Variants in PHF7 observed in about 807,000 individuals in gnomAD.
PHF7 encodes E3 ubiquitin-protein ligase PHF7.
Under a neutral mutation model 47.5 loss-of-function variants are expected in PHF7, and 24 were observed. The ratio of observed to expected loss-of-function variants is 0.51; its 90% confidence interval spans 0.37 to 0.71. The LOEUF is 0.71. Among genes scored for constraint, PHF7 ranks in the 30% least tolerant of loss-of-function variants. The pLI, the probability that PHF7 is intolerant of heterozygous loss-of-function variation, is 0.00. For missense variants in PHF7, 361 were observed against 456.8 expected (o/e 0.79, Z 1.91); for synonymous variants, 156 against 153.8 (o/e 1.01, Z -0.11).
Position 52,419,828 on chromosome 3 carries a change from C to T in PHF7, c.187-5C>T, listed in dbSNP as rs201445072. The stretch of plus-strand genomic sequence containing the variant: ...GTTAACAGCCTGGTTCTACTGCCCC[C>T]GCAGATCTTATCTAGTAAGCTGCCT... On this transcript the variant is annotated splice_region_variant and splice_polypyrimidine_tract_variant and intron_variant, in intron 4 of 10. Transcript: ENST00000327906. 3.7e-5 allele frequency: 57 copies of T among 1,543,162 alleles called. No homozygotes were observed. The highest frequency in any genetic ancestry group is 1.5e-4 in the South Asian group (13 of 87,392).
rs1030717253 is a variant in PHF7, at chr3:52,412,811, C to T, written c.-69C>T. On this transcript the variant is annotated splice_region_variant and 5_prime_UTR_variant, in exon 2 of 11. Transcript: ENST00000327906. ...TACCAAACCCCATTTATATTTATAG[C>T]TGGAAGAGCCTGTATTGTCCTCACA... 2 of 1,234,660 alleles carry T rather than the reference C, an allele frequency of 1.6e-6. No individual in the cohort carries two copies. Among genetic ancestry groups the T allele is most frequent in the African/African-American group, 1.5e-5 (1 of 65,900 alleles). 76.5% of individuals were successfully genotyped at this position (1,234,660 alleles called of 1,614,324 possible). A position where few individuals can be genotyped will look rare whatever the true frequency, so the allele number is the denominator to read the frequency against.
chr3:52,415,588 A>G (rs1266744029), intron 4 of PHF7, among the ~76,000 whole-genome samples: 1 of 152,104 alleles, frequency 6.6e-6, no homozygotes, highest in Non-Finnish European at 1.5e-5. Flanking sequence ...TGATCTATGG[A>G]TTATTTTTGG....
At chr3:52,412,765 C>T in intron 1 of PHF7, 46 bp from the exon 2 acceptor site, 1 of 862,832 alleles carries the variant, frequency 1.2e-6, no homozygotes, top group Non-Finnish European at 1.9e-6. Flanking sequence ...ACTTGATAAC[C>T]AAATACAGAA....
At chr3:52,417,990 GA>G (rs1473223289) in intron 4 of PHF7, among the ~76,000 whole-genome samples, 2 of 152,192 alleles carry the variant, frequency 1.3e-5, no homozygotes, top group Middle Eastern at 3.4e-3. Flanking sequence ...AATGGGTGTT[GA>G]ATTTTCTCAC....
Position 52,419,826 on chromosome 3 carries a change from C to T in PHF7, c.187-7C>T. Reference sequence around the variant, plus strand: ...TTGTTAACAGCCTGGTTCTACTGCCCCCGCAGATCTTATCTAGTAAGCTGC... The same window carrying T: ...TTGTTAACAGCCTGGTTCTACTGCCTCCGCAGATCTTATCTAGTAAGCTGC... On this transcript the variant is annotated splice_region_variant and splice_polypyrimidine_tract_variant and intron_variant, in intron 4 of 10. Transcript: ENST00000327906. 6.6e-7 allele frequency: 1 copy of T among 1,513,504 alleles called. No homozygotes were observed. Among genetic ancestry groups the T allele is most frequent in the Non-Finnish European group, 9.1e-7 (1 of 1,094,966 alleles). The allele number at this position is 1,513,504 out of a possible 1,614,324, so 93.8% of individuals were successfully genotyped here.
At chr3:52,422,462 T>TA in intron 9 of PHF7, 124 bp downstream of exon 9, 1 of 743,498 alleles carries the variant, frequency 1.3e-6, no homozygotes, top group East Asian at 2.5e-5. Flanking sequence ...ACACGATTGC[T>TA]AAGTCTCATT....
chr3:52,422,654 C>G (rs1260444952), intron 9 of PHF7, 106 bp from the exon 10 acceptor site: 24 of 1,196,108 alleles, frequency 2.0e-5, no homozygotes, highest in Non-Finnish European at 2.8e-5. Context: ...ATACATTCAT[C>G]TTGGGTAAAA....
intron 9 of PHF7, 92 bp downstream of exon 9, chr3:52,422,430 T>G: frequency 1.2e-6 from 1 of 865,898 alleles, no homozygotes; most frequent in Middle Eastern, 2.3e-4. Context: ...AAATTCACTC[T>G]TGTATGCAGA....
rs1705763636 is a variant in PHF7 at position 52,420,826 on chromosome 3, G to T, written c.414-77G>T. On this transcript the variant is annotated intron_variant, in intron 6 of 10. Transcript: ENST00000327906. ...CACTGGGCACCAGCCTGGGTGGCTG[G>T]CTGCCCCTCCTAGAGCGGGCCATTG... 8.0e-6 allele frequency: 11 copies of T among 1,367,426 alleles called. No individual in the cohort carries two copies. In the South Asian group the frequency reaches 1.4e-4, roughly 17 times the overall value. The allele number at this position is 1,367,426 out of a possible 1,614,324, so 84.7% of individuals were successfully genotyped here.
At chr3:52,419,968 G>T (rs371203585) in intron 5 of PHF7, 34 bp downstream of exon 5, 5 of 1,278,212 alleles carry the variant, frequency 3.9e-6, no homozygotes, top group Non-Finnish European at 5.5e-6. Flanking sequence ...CCTTGGGGTA[G>T]GCCTCTTTTC....
intron 4 of PHF7, among the ~76,000 whole-genome samples, chr3:52,417,887 AT>A (rs1244237191): frequency 6.6e-6 from 1 of 152,164 alleles, no homozygotes; most frequent in Non-Finnish European, 1.5e-5. Context: ...GTTTTTCACT[AT>A]TAAAGTATGT....
At position 52,422,799 on chromosome 3, in the gene PHF7, C is replaced by T. The variant is rs368036856; in HGVS notation, c.837C>T (p.His279=). The T allele has an allele frequency of 6.6e-5, 106 of 1,613,934 alleles. No homozygotes were observed. The highest frequency in any genetic ancestry group is 1.3e-4 in the East Asian group (6 of 44,886). Residue 279 remains histidine, a synonymous_variant, in exon 10 of 11, where the codon CAC becomes CAT. Transcript: ENST00000327906. The part of the protein sequence containing the change: ...CLILCATCGS[H]GTHRDCSSLR... ...TTCTGTGTGCTACATGCGGATCCCA[C>T]GGAACCCACAGGGACTGCTCCTCTC...
chr3:52,416,941 C>T lies in PHF7; in HGVS notation c.186+2354C>T, dbSNP rs569546463. On this transcript the variant is annotated intron_variant, in intron 4 of 10. Coordinates refer to ENST00000327906, the MANE Select transcript of PHF7 (RefSeq NM_016483.7). ...ATATATGTATTGAGACTATTTTCTT[C>T]CTAGTCTTTGGCTTGCCTTTTCATT... Among the ~76,000 whole-genome samples the T allele has an allele frequency of 5.9e-5, 9 of 151,786 alleles. No homozygotes were observed. In the South Asian group the frequency reaches 1.9e-3, roughly 32 times the overall value.
At chr3:52,422,087 G>C in intron 8 of PHF7, 135 bp from the exon 9 acceptor site, 1 of 722,116 alleles carries the variant, frequency 1.4e-6, no homozygotes, top group Non-Finnish European at 2.5e-6. Context: ...CACTTGGCCA[G>C]CCTTGTTGGA....
Position 52,414,525 on chromosome 3 carries a change from G to C in PHF7, c.124G>C (p.Asp42His), listed in dbSNP as rs771571219. Residue 42 changes from aspartate to histidine, a missense_variant, in exon 4 of 11, where the codon GAT (aspartate) becomes CAT (histidine). Coordinates refer to ENST00000327906, the MANE Select transcript of PHF7 (RefSeq NM_016483.7). ...VCWLCLREPG[D>H]PEKLGEFLQK... ...CTGGCTATGCCTTCGAGAACCTGGG[G>C]ATCCCGAAAAATTAGGGGAATTTCT... 1.9e-6 allele frequency: 3 copies of C among 1,612,718 alleles called. No homozygotes were observed.
Position 52,420,429 on chromosome 3 carries a change from A to G in PHF7, c.407A>G (p.Glu136Gly), listed in dbSNP as rs1705751943. The G allele has an allele frequency of 1.2e-6, 2 of 1,614,024 alleles. No individual in the cohort carries two copies. The highest frequency in any genetic ancestry group is 4.5e-5 in the East Asian group (2 of 44,886). The change falls in exon 6 of 11, where the codon GAG becomes GGG. Residue 136 changes from glutamate to glycine, a missense_variant. Physicochemically the swap from Glu to Gly is moderately conservative, Grantham distance 98. Transcript: ENST00000327906. ...ERGCLSQFFG[E>G]YKSFCDKHRP... is the part of the protein sequence containing the mutation. ...GGTTGCCTTTCACAATTTTTTGGAG[A>G]GTACAAGTGAGTGAGGGAAGGGAAA...
chr3:52,421,949 G>A, intron 8 of PHF7, 195 bp downstream of exon 8: 1 of 591,770 alleles, frequency 1.7e-6, no homozygotes, highest in Non-Finnish European at 3.0e-6. Context: ...TGGGGTGCTT[G>A]TTGCTGAAAA....
At chr3:52,418,175 T>G (rs986611389) in intron 4 of PHF7, among the ~76,000 whole-genome samples, 3 of 152,210 alleles carry the variant, frequency 2.0e-5, no homozygotes, top group African/African-American at 7.2e-5. Context: ...TTGCATCTGT[T>G]TTGATTTTTA....
At chr3:52,421,116 GGAACCAGA>G (rs1705776539) in intron 7 of PHF7, 54 bp downstream of exon 7, 3 of 1,472,378 alleles carry the variant, frequency 2.0e-6, no homozygotes, top group Non-Finnish European at 2.8e-6. Context: ...TTCTCTGCCT[GGAACCAGA>G]GAACCCTGGG....
Sources: allele counts gnomAD v4.1 joint callset (sites outside exome capture counted in the v4.1 genomes callset), GRCh38; gene constraint gnomAD v4.1.1; transcripts MANE v1.5; gene names NCBI Gene and HGNC (gene_info 2026-07-23, HGNC 2026-07-21).